The following CCDC192 variants were observed in gnomAD, a reference collection of about 807,000 sequenced individuals.
CCDC192 encodes coiled-coil domain containing 192, also known as coiled-coil domain-containing protein 192.
At chr5:127,778,518 T>C (rs1398531875) in intron 3 of CCDC192, among the ~76,000 whole-genome samples, 1 of 152,190 alleles carries the variant, frequency 6.6e-6, no homozygotes, top group Non-Finnish European at 1.5e-5. Flanking sequence ...AGTTTGCTAG[T>C]ATTGTGTTGA....
intron 6 of CCDC192, among the ~76,000 whole-genome samples, chr5:127,919,527 G>A (rs1370856535): frequency 2.6e-5 from 4 of 152,076 alleles, no homozygotes; most frequent in Admixed American, 6.6e-5. Flanking sequence ...GTTTCAGACC[G>A]TAATGGTAGA....
intron 6 of CCDC192, among the ~76,000 whole-genome samples, chr5:127,907,055 G>A (rs1013455009): frequency 3.3e-5 from 5 of 151,538 alleles, no homozygotes; most frequent in East Asian, 1.9e-4. Flanking sequence ...TTTTTTTCAC[G>A]ATAGCCATCC....
In CCDC192 at chr5:127,734,824, T is replaced by C. The variant is rs796818380; in HGVS notation, c.115-19444T>C. Among the ~76,000 whole-genome samples, 146 of 151,940 alleles carry C rather than the reference T, an allele frequency of 9.6e-4. 5 individuals carry two copies. The South Asian group carries it at 0.027, about 28-fold the overall frequency. The stretch of plus-strand genomic sequence containing the variant: ...TTGAGTTTGTTGTAGATTCTGGATA[T>C]TAGCCCTTTGTCAGATGAGTAGGTT... On this transcript the variant is annotated intron_variant, in intron 2 of 6. Transcript: ENST00000514853.
At chr5:127,807,796 G>A (rs1205355861) in intron 5 of CCDC192, among the ~76,000 whole-genome samples, 2 of 152,118 alleles carry the variant, frequency 1.3e-5, no homozygotes, top group African/African-American at 4.8e-5. Flanking sequence ...GTGAAAAGAA[G>A]CAGGACTATC....
rs200700669 is a variant in CCDC192, at chr5:127,788,110, G to A, written c.223-8993G>A. 2.0e-5 allele frequency among the ~76,000 whole-genome samples: 3 copies of A among 151,412 alleles called. No homozygotes were observed. The East Asian group carries it at 5.8e-4, about 29-fold the overall frequency. On this transcript the variant is annotated intron_variant, in intron 3 of 6. Coordinates refer to ENST00000514853, the MANE Select transcript of CCDC192 (RefSeq NM_001317938.2). ...AAAAAAAAAAAAAAAAAAAGGGGGG[G>A]ACTATTGAAGTCTCCAACTATTCTC... is the stretch of plus-strand genomic sequence containing the variant.
intron 3 of CCDC192, chr5:127,785,249 G>T: frequency 3.9e-6 from 2 of 509,896 alleles, no homozygotes; most frequent in Non-Finnish European, 4.0e-6. Flanking sequence ...GCTGTGAATT[G>T]CCGATAACTA....
At chr5:127,886,482 C>T (rs1456895007) in intron 6 of CCDC192, among the ~76,000 whole-genome samples, 1 of 152,160 alleles carries the variant, frequency 6.6e-6, no homozygotes, top group Admixed American at 6.5e-5. Context: ...GACAAGACCA[C>T]CCCTCCTCTT....
intron 3 of CCDC192, among the ~76,000 whole-genome samples, chr5:127,756,197 T>C (rs1309696392): frequency 1.3e-5 from 2 of 151,578 alleles, no homozygotes; most frequent in African/African-American, 4.8e-5. Flanking sequence ...CCAATGCAAA[T>C]GTAACCACCC....
At chr5:127,790,836 G>C (rs898036188) in intron 3 of CCDC192, among the ~76,000 whole-genome samples, 1 of 152,184 alleles carries the variant, frequency 6.6e-6, no homozygotes, top group East Asian at 1.9e-4. Context: ...CTTGGGCATA[G>C]CTTCCTTTTT....
intron 5 of CCDC192, among the ~76,000 whole-genome samples, chr5:127,870,080 T>C (rs1751783012): frequency 6.6e-6 from 1 of 152,242 alleles, no homozygotes; most frequent in South Asian, 2.1e-4. Context: ...GCACTTGTGA[T>C]TGTTTTTCAT....
At chr5:127,782,778 T>G (rs2126936389) in intron 3 of CCDC192, among the ~76,000 whole-genome samples, 1 of 152,260 alleles carries the variant, frequency 6.6e-6, no homozygotes, top group Non-Finnish European at 1.5e-5. Flanking sequence ...TTAATTTCTC[T>G]TTTGTATTTT....
intron 6 of CCDC192, among the ~76,000 whole-genome samples, chr5:127,910,026 A>C (rs993128614): frequency 6.6e-6 from 1 of 152,200 alleles, no homozygotes; most frequent in African/African-American, 2.4e-5. Context: ...TGTGTGAAAA[A>C]GGCTTATGTT....
At chr5:127,845,754 C>T (rs1750505719) in intron 5 of CCDC192, among the ~76,000 whole-genome samples, 1 of 152,086 alleles carries the variant, frequency 6.6e-6, no homozygotes, top group Non-Finnish European at 1.5e-5. Context: ...ATAACTCTTA[C>T]TTTAGCATGA....
At chr5:127,747,757 C>G (rs1753865565) in intron 2 of CCDC192, among the ~76,000 whole-genome samples, 1 of 148,122 alleles carries the variant, frequency 6.8e-6, no homozygotes, top group South Asian at 2.2e-4. Flanking sequence ...TCCACATCCT[C>G]TCCAGCACCT....
chr5:127,826,695 C>T (rs2127031582), intron 5 of CCDC192, among the ~76,000 whole-genome samples: 1 of 149,822 alleles, frequency 6.7e-6, no homozygotes, highest in East Asian at 2.0e-4. Context: ...GTACTATGCT[C>T]AGTGATGGGA....
intron 6 of CCDC192, among the ~76,000 whole-genome samples, chr5:127,933,905 C>CCGG (rs1338964636): frequency 6.6e-6 from 1 of 152,158 alleles, no homozygotes; most frequent in African/African-American, 2.4e-5. Context: ...AATGAACGTG[C>CCGG]CGGCACTTTG....
chr5:127,763,853 C>T (rs987134029), intron 3 of CCDC192, among the ~76,000 whole-genome samples: 4 of 152,170 alleles, frequency 2.6e-5, no homozygotes, highest in African/African-American at 9.7e-5. Flanking sequence ...TTCCTCTTAT[C>T]GCCTTACTCA....
chr5:127,837,994 C>CA (rs934176044), intron 5 of CCDC192, among the ~76,000 whole-genome samples: 5 of 152,048 alleles, frequency 3.3e-5, no homozygotes, highest in South Asian at 2.1e-4. Flanking sequence ...GACTCCATCT[C>CA]AAAAAAAGAA....
At chr5:127,879,566 CA>C (rs1393953390) in intron 6 of CCDC192, among the ~76,000 whole-genome samples, 1 of 56,830 alleles carries the variant, frequency 1.8e-5, no homozygotes, top group African/African-American at 6.7e-5. Context: ...GCAATGGCAA[CA>C]AAAGACAAAA....
Sources: gnomAD v4.1 joint callset for allele counts (sites outside exome capture counted in the v4.1 genomes callset) on GRCh38, gnomAD v4.1.1 for gene constraint, MANE v1.5 for transcripts, NCBI Gene and HGNC (gene_info 2026-07-23, HGNC 2026-07-21) for gene names.